DOCK8: variants seen among roughly 807,000 people sequenced by gnomAD.
DOCK8 encodes dedicator of cytokinesis 8, also known as dedicator of cytokinesis protein 8.
A neutral mutation model predicts 245.6 loss-of-function variants in DOCK8; 141 were observed. The ratio of observed to expected loss-of-function variants is 0.57; its 90% CI spans 0.50 to 0.66. The LOEUF (loss-of-function observed/expected upper bound fraction) is 0.66. DOCK8 is among the 30% of genes least tolerant of loss of function. The pLI is 0.00. For missense variants in DOCK8, 2,965 were observed against 2,603.4 expected (o/e 1.14, Z -3.02); for synonymous variants, 1,168 against 970.2 (o/e 1.20, Z -3.79).
chr9:389,715 G>A (rs112554111), intron 23 of DOCK8, among the ~76,000 whole-genome samples: 4,137 of 152,152 alleles, frequency 0.027, 166 homozygotes, highest in African/African-American at 0.094. Context: ...AGGCCCTGCA[G>A]GAGATTCTGA....
At chr9:213,412 G>A (rs1486814762), upstream of DOCK8, 1 of 152,178 alleles carries the variant, frequency 6.6e-6, no homozygotes, top group South Asian at 2.1e-4. Context: ...GCTCACAAAT[G>A]TGAGCCACAT....
At chr9:458,753 G>T (rs564999919) in intron 46 of DOCK8, among the ~76,000 whole-genome samples, 1 of 152,300 alleles carries the variant, frequency 6.6e-6, no homozygotes, top group African/African-American at 2.4e-5. Context: ...AGAGGTTGCA[G>T]TGAGCTGAGA....
chr9:214,189 G>A, upstream of DOCK8: 1 of 347,822 alleles, frequency 2.9e-6, no homozygotes, highest in East Asian at 7.6e-5. Context: ...TCTTGAGTTT[G>A]AGGCCGGGCT....
chr9:389,023 C>T (rs1187224260), intron 23 of DOCK8, among the ~76,000 whole-genome samples: 1 of 152,114 alleles, frequency 6.6e-6, no homozygotes, highest in African/African-American at 2.4e-5. Context: ...ATGAGTTTAT[C>T]TACGTTTATT....
At chr9:382,490 T>C (rs1319756962) in intron 21 of DOCK8, 23 bp from the exon 22 acceptor site, 1 of 1,613,188 alleles carries the variant, frequency 6.2e-7, no homozygotes. Flanking sequence ...TCTGTTGACA[T>C]GTCTCTGCCT....
At chr9:245,093 C>A (rs146881675) in intron 1 of DOCK8, among the ~76,000 whole-genome samples, 170 of 152,254 alleles carry the variant, frequency 1.1e-3, no homozygotes, top group African/African-American at 3.9e-3. Context: ...ATTTCAGGTC[C>A]CAGGCCCCTA....
rs778493138 is a variant in DOCK8, at chr9:404,920, G to C, written c.3237G>C (p.Leu1079=). 12 of 1,613,836 alleles carry C rather than the reference G, an allele frequency of 7.4e-6. No individual in the cohort carries two copies. Among genetic ancestry groups the C allele is most frequent in the Non-Finnish European group, 5.1e-6 (6 of 1,180,028 alleles). The change falls in exon 27 of 48, where the codon CTG becomes CTC. Residue 1079 remains leucine, a splice_region_variant and synonymous_variant. Transcript: ENST00000432829. ...FNLIRHYCSQ[L]SAKLSNLPTL... ...CCTCTTTTCATTTTTCTTCCCAGCT[G>C]TCAGCCAAGCTCAGTAACCTTCCAA... is the stretch of plus-strand genomic sequence containing the variant.
intron 1 of DOCK8, chr9:215,259 G>T (rs1367221143): frequency 1.2e-6 from 2 of 1,601,274 alleles, no homozygotes; most frequent in East Asian, 4.5e-5. Flanking sequence ...CGGTGCTCCT[G>T]GATGTCCTCA....
At chr9:366,919 A>G (rs2053029703) in intron 14 of DOCK8, among the ~76,000 whole-genome samples, 1 of 152,216 alleles carries the variant, frequency 6.6e-6, no homozygotes, top group South Asian at 2.1e-4. Context: ...TGGAAAGGCC[A>G]TGCTTATCAG....
chr9:215,977 A>G (rs1210324289), intron 1 of DOCK8, among the ~76,000 whole-genome samples: 1 of 152,228 alleles, frequency 6.6e-6, no homozygotes, highest in East Asian at 1.9e-4. Flanking sequence ...TGAGCCTGTG[A>G]AAGGTGGATT....
rs778290767 is a variant in DOCK8, at chr9:428,314, A to G, written c.4339-48A>G. The G allele has an allele frequency of 2.1e-5, 34 of 1,613,236 alleles. 1 individual carries two copies. In the South Asian group the frequency reaches 2.2e-4, roughly 10 times the overall value. ...GCTAATTGTCAGGAACATCCAGTTC[A>G]TTGGCACAGTGCAGGGATTCAATGA... is the stretch of plus-strand genomic sequence containing the variant. On this transcript the variant is annotated intron_variant, in intron 34 of 47. Transcript: ENST00000432829.
intron 2 of DOCK8, among the ~76,000 whole-genome samples, chr9:283,596 C>T (rs1041107157): frequency 3.9e-5 from 6 of 152,104 alleles, no homozygotes; most frequent in Admixed American, 6.5e-5. Context: ...ATTCTGTGTC[C>T]ATGTGTACAC....
chr9:376,345 G>A, intron 19 of DOCK8, 40 bp downstream of exon 19: 1 of 1,392,592 alleles, frequency 7.2e-7, no homozygotes, highest in Non-Finnish European at 1.0e-6. Context: ...TAAAGGTGCA[G>A]CGGAGGAGCC....
Position 418,123 on chromosome 9 carries a change from C to G in DOCK8, c.3756C>G (p.Ala1252=). The G allele has an allele frequency of 6.2e-7, 1 of 1,614,168 alleles. No homozygotes were observed. ...TSGSDEEQEG[A]GAINQNVALA... ...GCTCGGATGAAGAACAAGAAGGAGCCGGTGCCATTAACCAGAATGTGGCTC... is the reference window on the plus strand; with the variant it reads ...GCTCGGATGAAGAACAAGAAGGAGCGGGTGCCATTAACCAGAATGTGGCTC... Residue 1252 remains alanine (A), a synonymous_variant, in exon 30 of 48, where the codon GCC becomes GCG. Coordinates refer to ENST00000432829, the MANE Select transcript of DOCK8 (RefSeq NM_203447.4).
At chr9:214,749 G>A (rs767509877), upstream of DOCK8, 1 of 1,524,198 alleles carries the variant, frequency 6.6e-7, no homozygotes, top group East Asian at 2.7e-5. Context: ...CTCGCCCGCC[G>A]CTGCCTGCGC....
At chr9:402,656 T>C (rs2055166951) in intron 26 of DOCK8, among the ~76,000 whole-genome samples, 1 of 152,254 alleles carries the variant, frequency 6.6e-6, no homozygotes. Flanking sequence ...TAACCTATTA[T>C]GTTTTCTGCC....
At chr9:279,887 G>A (rs893428525) in intron 2 of DOCK8, among the ~76,000 whole-genome samples, 6 of 152,224 alleles carry the variant, frequency 3.9e-5, no homozygotes, top group African/African-American at 1.4e-4. Context: ...CAGGTCCTGT[G>A]TGACTGCACA....
In DOCK8 at chr9:332,397, G is replaced by C; in HGVS notation, c.1045-1G>C. On this transcript the variant is annotated splice_acceptor_variant, in intron 9 of 47. Coordinates refer to ENST00000432829, the MANE Select transcript of DOCK8 (RefSeq NM_203447.4). LOFTEE classifies it high-confidence loss of function. ...TATTTTAATATTCTTTTTATTGGTA[G>C]ATTGAAAAAGTCCTGCAGCAGGGAG... 6.2e-7 allele frequency: 1 copy of C among 1,605,886 alleles called. No individual in the cohort carries two copies. Among genetic ancestry groups the C allele is most frequent in the Non-Finnish European group, 8.5e-7 (1 of 1,172,592 alleles).
chr9:404,819 G>T, intron 26 of DOCK8, 99 bp from the exon 27 acceptor site: 1 of 1,287,224 alleles, frequency 7.8e-7, no homozygotes. Context: ...TAAATTGATT[G>T]CCTTAACCTG....
Sources: allele counts gnomAD v4.1 joint callset (sites outside exome capture counted in the v4.1 genomes callset), GRCh38; gene constraint gnomAD v4.1.1; transcripts MANE v1.5; gene names NCBI Gene and HGNC (gene_info 2026-07-23, HGNC 2026-07-21).